Variants in PIAS2 observed in about 807,000 individuals in gnomAD.
The protein encoded by PIAS2 is E3 SUMO-protein ligase PIAS2.
A neutral mutation model predicts 69.7 loss-of-function variants in PIAS2; 19 were observed. That is an observed-to-expected ratio of 0.27 (90% CI 0.19 to 0.40). The LOEUF (loss-of-function observed/expected upper bound fraction) is 0.40, where lower values mean the gene tolerates loss of function less well. PIAS2 is among the 10% of genes least tolerant of loss of function. The pLI, the probability that PIAS2 is intolerant of heterozygous loss-of-function variation, is 1.00. For missense variants in PIAS2, 624 were observed against 757.0 expected (o/e 0.82, Z 2.06); for synonymous variants, 261 against 263.2 (o/e 0.99, Z 0.08).
intron 6 of PIAS2, among the ~76,000 whole-genome samples, chr18:46,845,569 A>G (rs2046045672): frequency 6.6e-6 from 1 of 152,120 alleles, no homozygotes; most frequent in South Asian, 2.1e-4. Context: ...TCTGGCACAA[A>G]GGAACCTTCA....
chr18:46,898,976 C>A (rs1240100235), intron 1 of PIAS2, among the ~76,000 whole-genome samples: 15 of 145,012 alleles, frequency 1.0e-4, no homozygotes, highest in African/African-American at 3.3e-4. Flanking sequence ...GCCTGGGTGA[C>A]AGAGTGAGAC....
intron 2 of PIAS2, among the ~76,000 whole-genome samples, chr18:46,876,808 C>T (rs374333923): frequency 5.9e-5 from 9 of 151,936 alleles, no homozygotes; most frequent in Middle Eastern, 3.4e-3. Flanking sequence ...ACCATTCTCC[C>T]GCCTCAGCCT....
intron 1 of PIAS2, among the ~76,000 whole-genome samples, chr18:46,914,846 C>T (rs2057641904): frequency 6.6e-6 from 1 of 152,020 alleles, no homozygotes; most frequent in Non-Finnish European, 1.5e-5. Flanking sequence ...CAAAATTTTT[C>T]CTGGTCCTAT....
At chr18:46,911,709 T>C (rs1244959453) in intron 1 of PIAS2, among the ~76,000 whole-genome samples, 5 of 152,206 alleles carry the variant, frequency 3.3e-5, no homozygotes, top group African/African-American at 4.8e-5. Flanking sequence ...TAAAACATTA[T>C]ATAAATGCAA....
upstream of PIAS2, chr18:46,919,997 A>T (rs528298792): frequency 4.3e-5 from 50 of 1,158,954 alleles, no homozygotes; most frequent in African/African-American, 6.6e-4. Flanking sequence ...TACACCCATA[A>T]AGAGGACCAA....
chr18:46,874,791 G>A (rs948390712), intron 2 of PIAS2, among the ~76,000 whole-genome samples: 1 of 152,096 alleles, frequency 6.6e-6, no homozygotes, highest in African/African-American at 2.4e-5. Flanking sequence ...TTTTAGCAGA[G>A]ACACCACCCT....
intron 8 of PIAS2, among the ~76,000 whole-genome samples, chr18:46,838,446 A>G (rs1165822193): frequency 1.3e-5 from 2 of 152,078 alleles, no homozygotes; most frequent in East Asian, 1.9e-4. Context: ...TGCAGAGTCC[A>G]CTCTCTCACT....
chr18:46,856,304 ACTTTT>A (rs1023162874), intron 3 of PIAS2, among the ~76,000 whole-genome samples: 1 of 150,612 alleles, frequency 6.6e-6, no homozygotes, highest in African/African-American at 2.4e-5. Context: ...CTGGCCAAAG[ACTTTT>A]CTTTTACTAT....
chr18:46,890,515 T>C (rs1283917725), intron 2 of PIAS2, 65 bp downstream of exon 2: 4 of 933,614 alleles, frequency 4.3e-6, no homozygotes, highest in Non-Finnish European at 6.6e-6. Context: ...CATTAATCAA[T>C]AGTTGAAGGT....
intron 9 of PIAS2, among the ~76,000 whole-genome samples, chr18:46,835,012 C>A (rs2044228727): frequency 6.6e-6 from 1 of 152,078 alleles, no homozygotes; most frequent in Non-Finnish European, 1.5e-5. Context: ...ATGCCACCTT[C>A]AAAAATGCTA....
intron 1 of PIAS2, chr18:46,891,344 AAC>A (rs1482589956): frequency 6.8e-6 from 3 of 439,274 alleles, no homozygotes; most frequent in African/African-American, 6.0e-5. Flanking sequence ...CTCTAATGCA[AAC>A]AGTTATTTGC....
chr18:46,916,418 T>A lies in PIAS2; in HGVS notation c.24+904A>T, dbSNP rs561429771. 7.6e-5 allele frequency among the ~76,000 whole-genome samples: 11 copies of A among 145,408 alleles called. No individual in the cohort carries two copies. The East Asian group carries it at 2.0e-3, about 26-fold the overall frequency. ...TTGATACATTTAAAAAAAAAAAAAA[T>A]CAGGGTTTCTGTCCGTAAACATCTC... is the stretch of plus-strand genomic sequence containing the variant. On this transcript the variant is annotated intron_variant, in intron 1 of 13. Transcript: ENST00000585916.
At position 46,812,162 on chromosome 18, in the gene PIAS2, G is replaced by T. The variant is rs1457216922; in HGVS notation, c.*271C>A. On this transcript the variant is annotated 3_prime_UTR_variant, in exon 14 of 14. Coordinates refer to ENST00000585916, the MANE Select transcript of PIAS2 (RefSeq NM_004671.5). ...TGATTTGTAGACTCCATCCATTAAC[G>T]TATGAAAGTGAAATCCATCTCTCAG... 1 of 265,612 alleles carries T rather than the reference G, an allele frequency of 3.8e-6. No individual in the cohort carries two copies. The highest frequency in any genetic ancestry group is 6.9e-5 in the East Asian group (1 of 14,402). 16.5% of individuals were successfully genotyped at this position (265,612 alleles called of 1,614,324 possible). A position where few individuals can be genotyped will look rare whatever the true frequency, so the allele number is the denominator to read the frequency against.
At chr18:46,903,809 C>T (rs2056223238) in intron 1 of PIAS2, among the ~76,000 whole-genome samples, 1 of 152,046 alleles carries the variant, frequency 6.6e-6, no homozygotes, top group South Asian at 2.1e-4. Context: ...AAACTGTAAA[C>T]AACCCAGATG....
chr18:46,826,283 A>G (rs1020992614), intron 11 of PIAS2, among the ~76,000 whole-genome samples: 1 of 152,220 alleles, frequency 6.6e-6, no homozygotes, highest in Non-Finnish European at 1.5e-5. Flanking sequence ...AGGTCATTTC[A>G]GATTTTGTCG....
intron 1 of PIAS2, among the ~76,000 whole-genome samples, chr18:46,900,136 G>A (rs756458342): frequency 8.6e-5 from 13 of 152,022 alleles, no homozygotes; most frequent in South Asian, 4.1e-4. Context: ...AGGCCGAGGC[G>A]GGCAAATCAC....
intron 2 of PIAS2, among the ~76,000 whole-genome samples, chr18:46,886,524 G>A (rs1200747582): frequency 1.3e-5 from 2 of 152,038 alleles, no homozygotes; most frequent in Admixed American, 1.3e-4. Context: ...CAGACAACCG[G>A]GTAATAAGCA....
intron 2 of PIAS2, among the ~76,000 whole-genome samples, chr18:46,882,270 T>A (rs1162901189): frequency 6.6e-6 from 1 of 152,110 alleles, no homozygotes; most frequent in Non-Finnish European, 1.5e-5. Context: ...AAAAGCTTAA[T>A]GAGTGTGTCC....
In PIAS2 at chr18:46,812,485, C is replaced by G; in HGVS notation, c.1814G>C (p.Gly605Ala). The G allele has an allele frequency of 5.6e-6, 9 of 1,613,130 alleles. No homozygotes were observed. Among genetic ancestry groups the G allele is most frequent in the Non-Finnish European group, 7.6e-6 (9 of 1,179,246 alleles). Residue 605 changes from glycine (G) to alanine (A), a missense_variant, in exon 14 of 14, where the codon GGG (glycine) becomes GCG (alanine). Gly to Ala is a moderately conservative substitution (Grantham distance 60). Coordinates refer to ENST00000585916, the MANE Select transcript of PIAS2 (RefSeq NM_004671.5). ...VSSSSSRSET[G>A]VITSSGSNIP... Reference sequence around the variant, plus strand: ...GTTACTTCCACTGCTGGTTATGACCCCTGTCTCACTCCTGCTGCTGGATGA... The same window carrying G: ...GTTACTTCCACTGCTGGTTATGACCGCTGTCTCACTCCTGCTGCTGGATGA...
Sources: allele counts gnomAD v4.1 joint callset (sites outside exome capture counted in the v4.1 genomes callset), GRCh38; gene constraint gnomAD v4.1.1; transcripts MANE v1.5; gene names NCBI Gene and HGNC (gene_info 2026-07-23, HGNC 2026-07-21).